The following CLDN10 variants were observed in gnomAD, a reference collection of about 807,000 sequenced individuals.
CLDN10 encodes claudin-10.
In CLDN10, 15 loss-of-function variants were observed where a neutral mutation model predicts 22.9. The ratio of observed to expected loss-of-function variants is 0.65; its 90% CI spans 0.44 to 1.01. The LOEUF (loss-of-function observed/expected upper bound fraction) is 1.01. Ranked by LOEUF, CLDN10 falls within the 50% of genes least tolerant of loss-of-function variation. The pLI, the probability that CLDN10 is intolerant of heterozygous loss-of-function variation, is 0.00. For synonymous variants in CLDN10, 114 were observed against 111.4 expected, an observed-to-expected ratio of 1.02 and a Z score of -0.15; for missense variants, 247 against 287.8, an observed-to-expected ratio of 0.86 and a Z score of 1.03.
chr13:95,540,380 T>C (rs1229294553), intron 1 of CLDN10, among the ~76,000 whole-genome samples: 1 of 151,716 alleles, frequency 6.6e-6, no homozygotes, highest in East Asian at 1.9e-4. Flanking sequence ...TAATCTCAGC[T>C]GCTTGGTGGG....
intron 1 of CLDN10, among the ~76,000 whole-genome samples, chr13:95,445,610 A>G (rs2042367273): frequency 6.6e-6 from 1 of 152,244 alleles, no homozygotes; most frequent in African/African-American, 2.4e-5. Flanking sequence ...AGCTGGTCCC[A>G]ACGTAACCTC....
chr13:95,491,276 TTCC>T (rs1242259919), intron 1 of CLDN10, among the ~76,000 whole-genome samples: 3 of 152,110 alleles, frequency 2.0e-5, no homozygotes, highest in Admixed American at 2.0e-4. Context: ...ATGTGAGGTC[TTCC>T]TCCTCAGGAA....
chr13:95,536,948 C>T (rs2043406864), intron 1 of CLDN10, among the ~76,000 whole-genome samples: 1 of 152,188 alleles, frequency 6.6e-6, no homozygotes, highest in Non-Finnish European at 1.5e-5. Context: ...AATGCAGAAA[C>T]ACTATTCCTG....
intron 1 of CLDN10, among the ~76,000 whole-genome samples, chr13:95,472,892 G>A (rs979503277): frequency 1.4e-4 from 22 of 151,808 alleles, no homozygotes; most frequent in Admixed American, 3.3e-4. Flanking sequence ...TGTAATCCCC[G>A]CACTTTGGGA....
chr13:95,571,350 G>A (rs1054526223), intron 3 of CLDN10, among the ~76,000 whole-genome samples: 1 of 152,136 alleles, frequency 6.6e-6, no homozygotes, highest in Non-Finnish European at 1.5e-5. Context: ...TTTCCTAAAT[G>A]TAAGAATTCT....
chr13:95,511,695 A>G (rs1345716844), intron 1 of CLDN10, among the ~76,000 whole-genome samples: 1 of 144,462 alleles, frequency 6.9e-6, no homozygotes, highest in Non-Finnish European at 1.5e-5. Flanking sequence ...AATATGAGCA[A>G]TGTGTTTGAC....
chr13:95,533,002 G>A (rs921716529), intron 1 of CLDN10, among the ~76,000 whole-genome samples: 1 of 151,930 alleles, frequency 6.6e-6, no homozygotes, highest in Non-Finnish European at 1.5e-5. Flanking sequence ...AGGAGTATGA[G>A]AGAACTTTCT....
At chr13:95,517,953 A>AGAG (rs1555295128) in intron 1 of CLDN10, among the ~76,000 whole-genome samples, 1 of 127,244 alleles carries the variant, frequency 7.9e-6, no homozygotes, top group Non-Finnish European at 1.6e-5. Flanking sequence ...AAAAAAAAAA[A>AGAG]AGAGAGATTG....
intron 3 of CLDN10, among the ~76,000 whole-genome samples, chr13:95,575,636 CCT>C (rs1289828890): frequency 6.9e-6 from 1 of 145,554 alleles, no homozygotes; most frequent in East Asian, 2.0e-4. Flanking sequence ...TTATACAAAC[CCT>C]CTGTCTCTGC....
intron 1 of CLDN10, among the ~76,000 whole-genome samples, chr13:95,459,410 C>A (rs1015644293): frequency 1.3e-5 from 2 of 152,218 alleles, no homozygotes; most frequent in Non-Finnish European, 2.9e-5. Flanking sequence ...TCTTCCTGGA[C>A]ATCTGGGCAT....
intron 3 of CLDN10, chr13:95,560,771 A>T: frequency 3.5e-6 from 1 of 288,522 alleles, no homozygotes. Context: ...GAAAGGTGTC[A>T]GACGGAGAGG....
chr13:95,447,851 C>T (rs566509643), intron 1 of CLDN10, among the ~76,000 whole-genome samples: 11 of 151,876 alleles, frequency 7.2e-5, no homozygotes, highest in Admixed American at 2.0e-4. Context: ...CTGGGGTGTC[C>T]GTGACAGCAG....
At chr13:95,501,733 A>T (rs1012969469) in intron 1 of CLDN10, among the ~76,000 whole-genome samples, 10 of 152,190 alleles carry the variant, frequency 6.6e-5, no homozygotes, top group Admixed American at 6.5e-4. Context: ...AAAAAAATCT[A>T]GTCTAATAAT....
intron 1 of CLDN10, among the ~76,000 whole-genome samples, chr13:95,502,473 G>A (rs1202780773): frequency 1.3e-5 from 2 of 152,070 alleles, no homozygotes; most frequent in Admixed American, 6.6e-5. Context: ...TTATGGTGAG[G>A]AACAGCTTGG....
chr13:95,506,203 T>A (rs1391824290), intron 1 of CLDN10, among the ~76,000 whole-genome samples: 1 of 152,116 alleles, frequency 6.6e-6, no homozygotes, highest in Non-Finnish European at 1.5e-5. Context: ...GGTGGAGAGA[T>A]GTTCTCATCA....
At chr13:95,512,328 T>C (rs1032503324) in intron 1 of CLDN10, among the ~76,000 whole-genome samples, 4 of 151,682 alleles carry the variant, frequency 2.6e-5, no homozygotes, top group African/African-American at 9.7e-5. Context: ...ATGAGCAATG[T>C]GTTTGACCAA....
At chr13:95,538,076 A>G (rs919497134) in intron 1 of CLDN10, among the ~76,000 whole-genome samples, 1 of 151,918 alleles carries the variant, frequency 6.6e-6, no homozygotes, top group Admixed American at 6.6e-5. Context: ...GAGAACCAAC[A>G]TGACAACAAG....
At chr13:95,549,579 A>C (rs1331290771), upstream of CLDN10, among the ~76,000 whole-genome samples, 1 of 152,242 alleles carries the variant, frequency 6.6e-6, no homozygotes, top group East Asian at 1.9e-4. Flanking sequence ...TAAAATAAAA[A>C]TGTTTGATTC....
At chr13:95,477,618 G>A (rs2139110404) in intron 1 of CLDN10, among the ~76,000 whole-genome samples, 2 of 149,694 alleles carry the variant, frequency 1.3e-5, no homozygotes, top group Middle Eastern at 3.6e-3. Context: ...AGCAGAAAAG[G>A]AATGCAAAAC....
Sources: allele counts gnomAD v4.1 joint callset (sites outside exome capture counted in the v4.1 genomes callset), GRCh38; gene constraint gnomAD v4.1.1; transcripts MANE v1.5; gene names NCBI Gene and HGNC (gene_info 2026-07-23, HGNC 2026-07-21).